PRKAR1A: variants seen among roughly 807,000 people sequenced by gnomAD.
PRKAR1A encodes the protein protein kinase cAMP-dependent type I regulatory subunit alpha, also known as cAMP-dependent protein kinase type I-alpha regulatory subunit.
A neutral mutation model predicts 52.0 loss-of-function variants in PRKAR1A; 3 were observed. The observed-to-expected ratio is 0.06, with a 90% confidence interval of 0.03 to 0.15. The LOEUF (loss-of-function observed/expected upper bound fraction) is 0.15, where lower values mean the gene tolerates loss of function less well. PRKAR1A is among the 10% of genes least tolerant of loss of function. PRKAR1A has a pLI of 1.00. For synonymous variants in PRKAR1A, 188 were observed against 168.4 expected, an observed-to-expected ratio of 1.12 and a Z score of -0.90; for missense variants, 240 against 477.4, an observed-to-expected ratio of 0.50 and a Z score of 4.63.
intron 11 of PRKAR1A, among the ~76,000 whole-genome samples, chr17:68,545,272 C>T (rs10445232): frequency 0.18 from 26,643 of 152,110 alleles, 2,687 homozygotes; most frequent in South Asian, 0.26. Flanking sequence ...CATTGTATTT[C>T]GGAAAAAAGC....
chr17:68,434,158 T>A, the PRKAR1A span, among the ~76,000 whole-genome samples: 1 of 152,148 alleles, frequency 6.6e-6, no homozygotes, highest in African/African-American at 2.4e-5. Flanking sequence ...CATCTTGGAA[T>A]CTTCCAGTTG....
chr17:68,429,824 G>A, the PRKAR1A span, among the ~76,000 whole-genome samples: 2 of 152,122 alleles, frequency 1.3e-5, no homozygotes, highest in Non-Finnish European at 2.9e-5. Context: ...CCTGACCTCA[G>A]ATGATCTGCC....
At chr17:68,435,608 G>A in the PRKAR1A span, 1 of 1,613,552 alleles carries the variant, frequency 6.2e-7, no homozygotes, top group South Asian at 1.1e-5. Flanking sequence ...GTGTTGGTGG[G>A]AGTGGACTCA....
At chr17:68,447,825 T>C in the PRKAR1A span, among the ~76,000 whole-genome samples, 2 of 151,854 alleles carry the variant, frequency 1.3e-5, no homozygotes, top group Non-Finnish European at 2.9e-5. Flanking sequence ...ACCCCATCTC[T>C]ACTAAAAATA....
chr17:68,463,679 G>A, the PRKAR1A span, among the ~76,000 whole-genome samples: 1 of 152,146 alleles, frequency 6.6e-6, no homozygotes, highest in South Asian at 2.1e-4. Context: ...ATTTCCATTT[G>A]AACAAGACCT....
chr17:68,466,128 A>C, the PRKAR1A span, among the ~76,000 whole-genome samples: 1 of 152,104 alleles, frequency 6.6e-6, no homozygotes, highest in Non-Finnish European at 1.5e-5. Flanking sequence ...CACTTACCCA[A>C]ATTTCACCGG....
chr17:68,420,260 G>A, the PRKAR1A span: 4 of 1,614,142 alleles, frequency 2.5e-6, no homozygotes, highest in Non-Finnish European at 3.4e-6. Flanking sequence ...TTTCAACCTG[G>A]AAGACGATAC....
Position 68,530,940 on chromosome 17 carries a change from G to C in PRKAR1A, c.*491G>C. 9.1e-7 allele frequency: 1 copy of C among 1,095,080 alleles called. No homozygotes were observed. Among genetic ancestry groups the C allele is most frequent in the Non-Finnish European group, 1.1e-6 (1 of 895,700 alleles). The allele number at this position is 1,095,080 out of a possible 1,614,324, so 67.8% of individuals were successfully genotyped here. A position where few individuals can be genotyped will look rare whatever the true frequency, so the allele number is the denominator to read the frequency against. On this transcript the variant is annotated 3_prime_UTR_variant, in exon 11 of 11. Coordinates refer to ENST00000589228, the MANE Select transcript of PRKAR1A (RefSeq NM_002734.5). Reference sequence around the variant, plus strand: ...GGATATAGAAAATCTTAGTATAGTAGAAAGACATCTGCCTGTAATTAAACT... The same window carrying C: ...GGATATAGAAAATCTTAGTATAGTACAAAGACATCTGCCTGTAATTAAACT...
chr17:68,540,311 C>T (rs962502657), intron 11 of PRKAR1A, among the ~76,000 whole-genome samples: 1 of 152,230 alleles, frequency 6.6e-6, no homozygotes, highest in African/African-American at 2.4e-5. Flanking sequence ...CAGAGATCCT[C>T]AGCTGATCCT....
At chr17:68,527,705 TTCCTCA>T (rs2085834443) in intron 7 of PRKAR1A, 129 bp from the exon 8 acceptor site, 1 of 696,540 alleles carries the variant, frequency 1.4e-6, no homozygotes, top group Non-Finnish European at 2.4e-6. Flanking sequence ...AAATTAAACT[TTCCTCA>T]TTAAAAGCAA....
chr17:68,434,429 T>C, the PRKAR1A span: 1 of 854,588 alleles, frequency 1.2e-6, no homozygotes, highest in South Asian at 1.8e-5. Flanking sequence ...CCTGGGAGAG[T>C]AGTTACACTT....
chr17:68,545,315 C>T (rs566661708), intron 11 of PRKAR1A, among the ~76,000 whole-genome samples: 86 of 152,284 alleles, frequency 5.6e-4, no homozygotes, highest in African/African-American at 2.0e-3. Context: ...TATAGACACA[C>T]TTCGGAGATA....
chr17:68,488,436 G>A, the PRKAR1A span, among the ~76,000 whole-genome samples: 1 of 151,984 alleles, frequency 6.6e-6, no homozygotes, highest in Non-Finnish European at 1.5e-5. Context: ...AGCTTTAAGA[G>A]CCAGCATGGG....
the PRKAR1A span, among the ~76,000 whole-genome samples, chr17:68,499,996 T>C: frequency 6.6e-6 from 1 of 152,264 alleles, no homozygotes; most frequent in Non-Finnish European, 1.5e-5. Flanking sequence ...TAGAGATTTT[T>C]ATACCCAGGA....
rs1309334460 is a variant in PRKAR1A, at chr17:68,533,002, A to G, written c.*2553A>G. 2.8e-6 allele frequency: 3 copies of G among 1,065,830 alleles called. No individual in the cohort carries two copies. The highest frequency in any genetic ancestry group is 3.4e-6 in the Non-Finnish European group (3 of 879,714). 66.0% of individuals were successfully genotyped at this position (1,065,830 alleles called of 1,614,324 possible). On this transcript the variant is annotated 3_prime_UTR_variant, in exon 11 of 11. Coordinates refer to ENST00000589228, the MANE Select transcript of PRKAR1A (RefSeq NM_002734.5). ...ATTTATTTACTTAGTCATGGAAAGAAAAAAATTCAGTCAAAAGCTAAAGAT... is the reference window on the plus strand; with the variant it reads ...ATTTATTTACTTAGTCATGGAAAGAGAAAAATTCAGTCAAAAGCTAAAGAT...
intron 6 of PRKAR1A, 31 bp from the exon 7 acceptor site, chr17:68,525,723 A>G: frequency 6.2e-7 from 1 of 1,611,980 alleles, no homozygotes; most frequent in Non-Finnish European, 8.5e-7. Context: ...TATCTAGAAA[A>G]TAAACTTTTT....
the PRKAR1A span, among the ~76,000 whole-genome samples, chr17:68,501,800 C>T: frequency 8.5e-5 from 13 of 152,282 alleles, no homozygotes; most frequent in Admixed American, 2.6e-4. Flanking sequence ...AGCAACTAGA[C>T]GGCTCTTTGT....
intron 5 of PRKAR1A, among the ~76,000 whole-genome samples, chr17:68,524,583 T>C (rs766004343): frequency 1.1e-4 from 16 of 152,216 alleles, no homozygotes; most frequent in Non-Finnish European, 2.2e-4. Flanking sequence ...TATATTTTCA[T>C]TTTGTGGCAG....
chr17:68,484,470 T>TG, the PRKAR1A span, among the ~76,000 whole-genome samples: 9 of 152,200 alleles, frequency 5.9e-5, no homozygotes, highest in Non-Finnish European at 1.3e-4. Flanking sequence ...TTTTTTTTTT[T>TG]TGTATTCCAT....
Sources: gnomAD v4.1 joint callset for allele counts (sites outside exome capture counted in the v4.1 genomes callset) on GRCh38, gnomAD v4.1.1 for gene constraint, MANE v1.5 for transcripts, NCBI Gene and HGNC (gene_info 2026-07-23, HGNC 2026-07-21) for gene names.